Variants in ZNF16 observed in about 807,000 individuals in gnomAD.
The protein encoded by ZNF16 is zinc finger protein 16.
Under a neutral mutation model 9.0 loss-of-function variants are expected in ZNF16, and 7 were observed. The observed-to-expected ratio is 0.78, with a 90% CI of 0.44 to 1.47. The LOEUF (loss-of-function observed/expected upper bound fraction) is 1.47, where lower values mean the gene tolerates loss of function less well. Among genes scored for constraint, ZNF16 ranks in the 40% most tolerant of loss-of-function variants. The probability of loss-of-function intolerance (pLI) is 0.01; values close to 1 mark genes in which losing one functional copy is unlikely to be tolerated. For synonymous variants in ZNF16, 312 were observed against 301.5 expected (o/e 1.03, Z -0.36); for missense variants, 830 against 854.2 (o/e 0.97, Z 0.35).
intron 1 of ZNF16, among the ~76,000 whole-genome samples, chr8:144,949,687 C>T (rs1411102863): frequency 6.6e-6 from 1 of 152,308 alleles, no homozygotes; most frequent in African/African-American, 2.4e-5. Context: ...TGTTTACAAG[C>T]AGATGCTTGG....
chr8:144,931,099 T>A lies in ZNF16; in HGVS notation c.1688A>T (p.His563Leu). ...CTTCAGCCCATTATGAATCCTCTGA[T>A]GCTGAATGAGGGTTGAGCTCTGGCT... ...TFSQSSTLIQHQRIHNGLKPH... is the reference protein window; with the variant it reads ...TFSQSSTLIQLQRIHNGLKPH... The change falls in exon 3 of 3, where the codon CAT becomes CTT. Residue 563 changes from histidine to leucine, a missense_variant. His to Leu is a moderately conservative substitution (Grantham distance 99). Coordinates refer to ENST00000394909, the MANE Select transcript of ZNF16 (RefSeq NM_006958.3). The A allele has an allele frequency of 6.2e-7, 1 of 1,614,260 alleles. No individual in the cohort carries two copies. Among genetic ancestry groups the A allele is most frequent in the Non-Finnish European group, 8.5e-7 (1 of 1,180,042 alleles).
Position 144,931,433 on chromosome 8 carries a change from G to A in ZNF16, c.1354C>T (p.Arg452Trp), listed in dbSNP as rs761328705. The change falls in exon 3 of 3, where the codon CGG (arginine) becomes TGG (tryptophan). Residue 452 changes from arginine to tryptophan, a missense_variant. By Grantham distance (101) the Arg-to-Trp change is moderately radical (BLOSUM62 -3). Transcript: ENST00000394909. ...FSQSSSLIQH[R>W]RIHTGEKPHV... ...GGCTTTTCTCCAGTGTGAATTCTCC[G>A]ATGCTGAATAAGGCTGGAGCTCTGA... The A allele has an allele frequency of 1.7e-5, 28 of 1,613,982 alleles. No homozygotes were observed. The Admixed American group carries it at 1.8e-4, about 11-fold the overall frequency.
At position 144,940,133 on chromosome 8, in the gene ZNF16, C is replaced by CAGTG. The variant is rs1476592178; in HGVS notation, c.196+5874_196+5877dup. Among the ~76,000 whole-genome samples the CAGTG allele has an allele frequency of 2.6e-5, 4 of 152,124 alleles. No individual in the cohort carries two copies. The East Asian group carries it at 5.8e-4, about 22-fold the overall frequency. Reference sequence around the variant, plus strand: ...CACTCTCATTGCTCAGGCTGGAATGCAGTGGCATGATCTCAGCTCACTGCA... The same window carrying CAGTG: ...CACTCTCATTGCTCAGGCTGGAATGCAGTGAGTGGCATGATCTCAGCTCACTGCA... On this transcript the variant is annotated intron_variant, in intron 2 of 2. Transcript: ENST00000394909.
Position 144,931,526 on chromosome 8 carries a change from T to C in ZNF16, c.1261A>G (p.Ile421Val), listed in dbSNP as rs940608631. The change falls in exon 3 of 3, where the codon ATT (isoleucine) becomes GTT (valine). Residue 421 changes from isoleucine (I) to valine (V), a missense_variant. Transcript: ENST00000394909. ...CCAGTGTGAACCCTGTGGTGCTTAA[T>C]GAGGTTGGAGACCCGACTGAAGGGC... is the stretch of plus-strand genomic sequence containing the variant. ...GKPFSRVSNL[I>V]KHHRVHTGEK... 4 of 1,614,016 alleles carry C rather than the reference T, an allele frequency of 2.5e-6. No individual in the cohort carries two copies. Among genetic ancestry groups the C allele is most frequent in the Non-Finnish European group, 3.4e-6 (4 of 1,179,916 alleles).
At position 144,949,224 on chromosome 8, in the gene ZNF16, G is replaced by C. The variant is rs181534055; in HGVS notation, c.-10+1573C>G. On this transcript the variant is annotated intron_variant, in intron 1 of 2. Transcript: ENST00000394909. Reference sequence around the variant, plus strand: ...CCTCAGCACCTTCCCCCTTGGGGAAGAACTGGCCCAAACTCTCCTCCCTTC... The same window carrying C: ...CCTCAGCACCTTCCCCCTTGGGGAACAACTGGCCCAAACTCTCCTCCCTTC... 3.3e-5 allele frequency among the ~76,000 whole-genome samples: 5 copies of C among 152,352 alleles called. No individual in the cohort carries two copies. The South Asian group carries it at 1.0e-3, about 32-fold the overall frequency.
intron 2 of ZNF16, chr8:144,945,686 T>A (rs1432139403): frequency 4.1e-6 from 1 of 243,694 alleles, no homozygotes; most frequent in Non-Finnish European, 8.0e-6. Flanking sequence ...TGGACCAGAG[T>A]AGAGTCCTGA....
rs1225543152 is a variant in ZNF16 at position 144,933,589 on chromosome 8, G to A, written c.197-999C>T. 6.6e-6 allele frequency among the ~76,000 whole-genome samples: 1 copy of A among 152,208 alleles called. No individual in the cohort carries two copies. The highest frequency in any genetic ancestry group is 2.4e-5 in the African/African-American group (1 of 41,520). On this transcript the variant is annotated intron_variant, in intron 2 of 2. Coordinates refer to ENST00000394909, the MANE Select transcript of ZNF16 (RefSeq NM_006958.3). The surrounding 1 kb of genome is among the most constrained non-coding windows in gnomAD (Gnocchi z 5.6). ...CAGGCCACACTGCCACCTGGATGCTGAGCAGCTTCCCTGGCCCCCAACCTC... is the reference window on the plus strand; with the variant it reads ...CAGGCCACACTGCCACCTGGATGCTAAGCAGCTTCCCTGGCCCCCAACCTC...
chr8:144,939,573 G>C (rs917817567), intron 2 of ZNF16, among the ~76,000 whole-genome samples: 2 of 133,800 alleles, frequency 1.5e-5, no homozygotes, highest in Non-Finnish European at 3.1e-5. Flanking sequence ...TCCAGCCTGA[G>C]GAACAGAGCG....
At chr8:144,938,027 T>C (rs537565408) in intron 2 of ZNF16, among the ~76,000 whole-genome samples, 11 of 152,346 alleles carry the variant, frequency 7.2e-5, no homozygotes, top group African/African-American at 1.9e-4. Flanking sequence ...GCAGAAGGGC[T>C]ATCTTTTCTC....
At position 144,931,201 on chromosome 8, in the gene ZNF16, C is replaced by A; in HGVS notation, c.1586G>T (p.Ser529Ile). ...TCGCTGGTGAAGGATGAGGTTGGAG[C>A]TGCGACCAAAGGTCTTCCCACACTC... is the stretch of plus-strand genomic sequence containing the variant. Reference protein sequence around the residue: ...CHECGKTFGRSSNLILHQRVH... With the variant: ...CHECGKTFGRISNLILHQRVH... The change falls in exon 3 of 3, where the codon AGC (serine) becomes ATC (isoleucine). Residue 529 changes from serine (S) to isoleucine (I), a missense_variant. Ser to Ile is a moderately radical substitution (Grantham distance 142, BLOSUM62 -2). Coordinates refer to ENST00000394909, the MANE Select transcript of ZNF16 (RefSeq NM_006958.3). The A allele has an allele frequency of 6.2e-7, 1 of 1,613,224 alleles. No homozygotes were observed. The highest frequency in any genetic ancestry group is 1.7e-5 in the Admixed American group (1 of 59,924).
intron 1 of ZNF16, among the ~76,000 whole-genome samples, chr8:144,949,960 C>T (rs1247109424): frequency 6.6e-6 from 1 of 152,106 alleles, no homozygotes; most frequent in Non-Finnish European, 1.5e-5. Flanking sequence ...CCTGCCTGCC[C>T]CTGGGAACTG....
Position 144,931,061 on chromosome 8 carries a change from T to G in ZNF16, c.1726A>C (p.Asn576His), listed in dbSNP as rs368730247. The stretch of plus-strand genomic sequence containing the variant: ...CGGTTGAAGGCTTTACCACACTGGT[T>G]ACATTCATGGGGCTTCAGCCCATTA... ...IHNGLKPHECNQCGKAFNRSS... is the reference protein window; with the variant it reads ...IHNGLKPHECHQCGKAFNRSS... Residue 576 changes from asparagine (N) to histidine (H), a missense_variant, in exon 3 of 3, where the codon AAC (asparagine) becomes CAC (histidine). Coordinates refer to ENST00000394909, the MANE Select transcript of ZNF16 (RefSeq NM_006958.3). 2 of 1,614,236 alleles carry G rather than the reference T, an allele frequency of 1.2e-6. No homozygotes were observed. The highest frequency in any genetic ancestry group is 2.2e-5 in the South Asian group (2 of 91,084).
At chr8:144,947,770 G>C (rs1833999771) in intron 1 of ZNF16, among the ~76,000 whole-genome samples, 1 of 152,182 alleles carries the variant, frequency 6.6e-6, no homozygotes, top group Non-Finnish European at 1.5e-5. Context: ...CCCTTGTTAA[G>C]ATTCACAAAC....
chr8:144,947,086 C>CT (rs1563926264), intron 1 of ZNF16, among the ~76,000 whole-genome samples: 7 of 125,618 alleles, frequency 5.6e-5, no homozygotes, highest in South Asian at 2.5e-4. Flanking sequence ...TACTGTGGGC[C>CT]ATACCCTGCT....
At chr8:144,943,299 T>C (rs1020208287) in intron 2 of ZNF16, among the ~76,000 whole-genome samples, 2 of 152,160 alleles carry the variant, frequency 1.3e-5, no homozygotes, top group South Asian at 2.1e-4. Context: ...AACAATTTGA[T>C]TAGAAAGAGA....
Position 144,930,505 on chromosome 8 carries a change from A to G in ZNF16, c.*233T>C, listed in dbSNP as rs1405508677. 1 of 468,880 alleles carries G rather than the reference A, an allele frequency of 2.1e-6. No individual in the cohort carries two copies. The highest frequency in any genetic ancestry group is 3.7e-6 in the Non-Finnish European group (1 of 269,444). The allele number at this position is 468,880 out of a possible 1,614,324, so 29.0% of individuals were successfully genotyped here. ...GTAACAAACGTGCAGTCCGTTCACAAGCTGTAAAAACAAGCCCAAACCCAA... is the reference window on the plus strand; with the variant it reads ...GTAACAAACGTGCAGTCCGTTCACAGGCTGTAAAAACAAGCCCAAACCCAA... On this transcript the variant is annotated 3_prime_UTR_variant, in exon 3 of 3. Coordinates refer to ENST00000394909, the MANE Select transcript of ZNF16 (RefSeq NM_006958.3).
rs556673767 is a variant in ZNF16, at chr8:144,941,572, T to C, written c.196+4439A>G. Among the ~76,000 whole-genome samples, 385 of 152,362 alleles carry C rather than the reference T, an allele frequency of 2.5e-3. 1 individual carries two copies. The highest frequency in any genetic ancestry group is 8.9e-3 in the African/African-American group (370 of 41,580). On this transcript the variant is annotated intron_variant, in intron 2 of 2. Coordinates refer to ENST00000394909, the MANE Select transcript of ZNF16 (RefSeq NM_006958.3). ...TTTTATTTATTTTTGATAAATCTTT[T>C]ACCTTTTTGTTCCTCAGTTCCTCTA...
At chr8:144,941,709 A>G (rs1283453498) in intron 2 of ZNF16, among the ~76,000 whole-genome samples, 3 of 149,748 alleles carry the variant, frequency 2.0e-5, no homozygotes, top group African/African-American at 7.4e-5. Context: ...CCCAGGCTGG[A>G]GTGCAGTGGC....
At chr8:144,937,143 CTT>C (rs58306145) in intron 2 of ZNF16, among the ~76,000 whole-genome samples, 191 of 110,934 alleles carry the variant, frequency 1.7e-3, no homozygotes, top group African/African-American at 1.9e-3. Flanking sequence ...CTTTCTCTCT[CTT>C]TTTTTTTTTT....
Sources: allele counts gnomAD v4.1 joint callset (sites outside exome capture counted in the v4.1 genomes callset), GRCh38; gene constraint gnomAD v4.1.1; non-coding constraint Gnocchi (gnomAD v3.1); transcripts MANE v1.5; gene names NCBI Gene and HGNC (gene_info 2026-07-23, HGNC 2026-07-21).